Variants in LAPTM4B observed in about 807,000 individuals in gnomAD.
LAPTM4B encodes the protein lysosomal protein transmembrane 4 beta.
Under a neutral mutation model 28.5 loss-of-function variants are expected in LAPTM4B, and 26 were observed. The ratio of observed to expected loss-of-function variants is 0.91; its 90% confidence interval spans 0.67 to 1.27. LAPTM4B has a LOEUF of 1.27. Among genes scored for constraint, LAPTM4B ranks in the 50% most tolerant of loss-of-function variants. The pLI is 0.00. For synonymous variants in LAPTM4B, 109 were observed against 106.4 expected, an observed-to-expected ratio of 1.02 and a Z score of -0.15; for missense variants, 288 against 285.8, an observed-to-expected ratio of 1.01 and a Z score of -0.06.
intron 6 of LAPTM4B, among the ~76,000 whole-genome samples, chr8:97,834,145 A>G (rs1028226114): frequency 7.7e-6 from 1 of 130,134 alleles, no homozygotes; most frequent in African/African-American, 3.0e-5. Flanking sequence ...GTCTCTACAG[A>G]AAAAAAAAAA....
chr8:97,812,271 G>A (rs1816845525), intron 2 of LAPTM4B, among the ~76,000 whole-genome samples: 1 of 138,672 alleles, frequency 7.2e-6, no homozygotes, highest in East Asian at 2.2e-4. Context: ...CCAGGCTGGA[G>A]TACAGTGCTG....
In LAPTM4B at chr8:97,844,154, T is replaced by G. The variant is rs374488374; in HGVS notation, c.604-7243T>G. Among the ~76,000 whole-genome samples the G allele has an allele frequency of 1.4e-4, 22 of 152,026 alleles. 1 individual carries two copies. In the East Asian group the frequency reaches 2.1e-3, roughly 15 times the overall value. On this transcript the variant is annotated intron_variant, in intron 6 of 6. Transcript: ENST00000521545. ...TCATACTGGCTGGAGTGCAGTGGCATGATCATGACTCATTGCAGCCTCAAC... is the reference window on the plus strand; with the variant it reads ...TCATACTGGCTGGAGTGCAGTGGCAGGATCATGACTCATTGCAGCCTCAAC...
intron 2 of LAPTM4B, among the ~76,000 whole-genome samples, chr8:97,806,314 C>T (rs559923066): frequency 1.3e-5 from 2 of 152,198 alleles, no homozygotes; most frequent in South Asian, 4.1e-4. Context: ...AGCACAGAGC[C>T]TGGGAGAGTG....
intron 6 of LAPTM4B, among the ~76,000 whole-genome samples, chr8:97,841,598 G>A (rs998628785): frequency 6.6e-6 from 1 of 152,210 alleles, no homozygotes; most frequent in Admixed American, 6.5e-5. Flanking sequence ...AAAGTGCTGG[G>A]ATTACAGGCG....
chr8:97,843,872 T>C (rs917294280), intron 6 of LAPTM4B, among the ~76,000 whole-genome samples: 27 of 152,342 alleles, frequency 1.8e-4, no homozygotes, highest in Admixed American at 6.5e-4. Context: ...GAAGCTGTTA[T>C]TTATATAGAA....
Position 97,819,203 on chromosome 8 carries a change from ATTC to A in LAPTM4B, c.477_479del (p.Leu160del), listed in dbSNP as rs777944332. 3.7e-6 allele frequency: 6 copies of A among 1,606,812 alleles called. No individual in the cohort carries two copies. Among genetic ancestry groups the A allele is most frequent in the Non-Finnish European group, 5.1e-6 (6 of 1,174,384 alleles). On this transcript the variant is annotated inframe_deletion, in exon 5 of 7. Transcript: ENST00000521545. ...GAATCCTACCTGTTTGGTCCTTATTATTCTTCTGTTTATTAGCATTATCTTGAC... is the reference window on the plus strand; with the variant it reads ...GAATCCTACCTGTTTGGTCCTTATTATTCTGTTTATTAGCATTATCTTGAC...
At chr8:97,838,420 G>A (rs1037218983) in intron 6 of LAPTM4B, among the ~76,000 whole-genome samples, 1 of 152,190 alleles carries the variant, frequency 6.6e-6, no homozygotes, top group Non-Finnish European at 1.5e-5. Flanking sequence ...TGTGGCAGTT[G>A]CCGCCCATCA....
chr8:97,827,097 A>ATGG (rs1817101526), intron 6 of LAPTM4B, among the ~76,000 whole-genome samples: 1 of 152,190 alleles, frequency 6.6e-6, no homozygotes, highest in Non-Finnish European at 1.5e-5. Context: ...TTGTTTTGAT[A>ATGG]TGGTGGTGTT....
At chr8:97,796,410 T>C (rs1221909469) in intron 1 of LAPTM4B, among the ~76,000 whole-genome samples, 1 of 152,214 alleles carries the variant, frequency 6.6e-6, no homozygotes, top group African/African-American at 2.4e-5. Flanking sequence ...ATCCTTGAAT[T>C]AATATTATTT....
chr8:97,778,398 C>T (rs1016516744), intron 1 of LAPTM4B, among the ~76,000 whole-genome samples: 1 of 151,614 alleles, frequency 6.6e-6, no homozygotes, highest in Non-Finnish European at 1.5e-5. Flanking sequence ...TGAATTGACT[C>T]TCCCTTAGCT....
At chr8:97,812,573 A>C (rs1816848597) in intron 2 of LAPTM4B, among the ~76,000 whole-genome samples, 1 of 152,316 alleles carries the variant, frequency 6.6e-6, no homozygotes, top group South Asian at 2.1e-4. Context: ...AGACCACTAG[A>C]GTTGGTGAAG....
At chr8:97,814,215 A>T (rs1033613684) in intron 2 of LAPTM4B, among the ~76,000 whole-genome samples, 6 of 152,212 alleles carry the variant, frequency 3.9e-5, no homozygotes, top group Non-Finnish European at 1.5e-5. Flanking sequence ...ACTAAAGGAA[A>T]AAAGAAGTTG....
intron 4 of LAPTM4B, among the ~76,000 whole-genome samples, chr8:97,818,195 A>G (rs533568337): frequency 6.6e-6 from 1 of 152,358 alleles, no homozygotes; most frequent in African/African-American, 2.4e-5. Flanking sequence ...ATTTTGTCCC[A>G]AGTGAAAGGA....
At chr8:97,782,466 C>T (rs1476547716) in intron 1 of LAPTM4B, among the ~76,000 whole-genome samples, 1 of 151,040 alleles carries the variant, frequency 6.6e-6, no homozygotes, top group Non-Finnish European at 1.5e-5. Context: ...TGAGACAGAG[C>T]CTCACTCTGT....
chr8:97,832,676 T>TTTTTATTTTATTTTA (rs201546146), intron 6 of LAPTM4B, among the ~76,000 whole-genome samples: 46,692 of 110,984 alleles, frequency 0.42, 9,330 homozygotes, highest in Non-Finnish European at 0.55. Flanking sequence ...TATTTATTTA[T>TTTTTATTTTATTTTA]TTTTATTTTA....
chr8:97,835,018 C>T (rs1185892097), intron 6 of LAPTM4B, among the ~76,000 whole-genome samples: 1 of 152,230 alleles, frequency 6.6e-6, no homozygotes, highest in Non-Finnish European at 1.5e-5. Context: ...AAGCCTCCCT[C>T]TGAGACTCTA....
intron 6 of LAPTM4B, among the ~76,000 whole-genome samples, chr8:97,834,187 CT>C (rs1427712264): frequency 3.1e-5 from 4 of 128,030 alleles, no homozygotes; most frequent in Non-Finnish European, 7.0e-5. Context: ...GTAGTTCTAG[CT>C]ACTTGGGAGG....
At chr8:97,789,277 G>A (rs1816460626) in intron 1 of LAPTM4B, among the ~76,000 whole-genome samples, 1 of 151,282 alleles carries the variant, frequency 6.6e-6, no homozygotes, top group Non-Finnish European at 1.5e-5. Flanking sequence ...GTTTCACCAT[G>A]TTGGCCAGGC....
At chr8:97,820,304 C>CTTTT (rs71570268) in intron 5 of LAPTM4B, among the ~76,000 whole-genome samples, 50,072 of 127,634 alleles carry the variant, frequency 0.39, 9,996 homozygotes, top group East Asian at 0.52. Context: ...TTCTTTCTTT[C>CTTTT]TTTTTTTTTT....
Sources: allele counts gnomAD v4.1 joint callset (sites outside exome capture counted in the v4.1 genomes callset), GRCh38; gene constraint gnomAD v4.1.1; transcripts MANE v1.5; gene names NCBI Gene and HGNC (gene_info 2026-07-23, HGNC 2026-07-21).